The following EPB41L1 variants were observed in gnomAD, a reference collection of about 807,000 sequenced individuals.
The protein encoded by EPB41L1 is erythrocyte membrane protein band 4.1 like 1.
In EPB41L1, 29 loss-of-function variants were observed where a neutral mutation model predicts 97.8. The ratio of observed to expected loss-of-function variants is 0.30; its 90% CI spans 0.22 to 0.40. The LOEUF is 0.40. EPB41L1 is among the 10% of genes least tolerant of loss of function. The probability of loss-of-function intolerance (pLI) is 1.00; values close to 1 mark genes in which losing one functional copy is unlikely to be tolerated. For synonymous variants in EPB41L1, 383 were observed against 459.2 expected, an observed-to-expected ratio of 0.83 and a Z score of 2.12; for missense variants, 812 against 1,162.3, an observed-to-expected ratio of 0.70 and a Z score of 4.38.
chr20:36,155,716 G>T, intron 1 of EPB41L1: 2 of 443,418 alleles, frequency 4.5e-6, no homozygotes, highest in South Asian at 3.2e-5. Flanking sequence ...TCAGCTGCCA[G>T]CCATCGTCGT....
At chr20:36,139,923 G>A (rs958307325) in intron 2 of EPB41L1, among the ~76,000 whole-genome samples, 4 of 151,994 alleles carry the variant, frequency 2.6e-5, no homozygotes, top group South Asian at 2.1e-4. Flanking sequence ...TAGAGATGGA[G>A]TTTCTCCATG....
intron 2 of EPB41L1, among the ~76,000 whole-genome samples, chr20:36,130,745 GT>G (rs2059163973): frequency 6.8e-6 from 1 of 146,642 alleles, no homozygotes; most frequent in African/African-American, 2.6e-5. Flanking sequence ...GGCAGGAACT[GT>G]TTTTTATTTT....
At chr20:36,220,522 A>T (rs772310865) in intron 19 of EPB41L1, among the ~76,000 whole-genome samples, 10 of 152,196 alleles carry the variant, frequency 6.6e-5, no homozygotes, top group Admixed American at 6.5e-4. Context: ...TCTGGGCCTC[A>T]GGGAGATTGG....
chr20:36,148,141 T>C (rs1395364212), intron 2 of EPB41L1, among the ~76,000 whole-genome samples: 1 of 152,150 alleles, frequency 6.6e-6, no homozygotes, highest in African/African-American at 2.4e-5. Context: ...TATGCACATA[T>C]TGTGAACTGG....
chr20:36,143,980 G>A (rs1389301420), intron 2 of EPB41L1, among the ~76,000 whole-genome samples: 1 of 152,020 alleles, frequency 6.6e-6, no homozygotes, highest in Non-Finnish European at 1.5e-5. Context: ...AGCCTCCCAA[G>A]TAGCTGGGAC....
At position 36,190,585 on chromosome 20, in the gene EPB41L1, C is replaced by G. The variant is rs776778400; in HGVS notation, c.1125-37C>G. 11 of 1,613,008 alleles carry G rather than the reference C, an allele frequency of 6.8e-6. No individual in the cohort carries two copies. The highest frequency in any genetic ancestry group is 9.3e-6 in the Non-Finnish European group (11 of 1,179,648). ...TAACCTTGGGCCTGGCAGTGCAGGT[C>G]TGATTCCTCCTCCTCCCCTGCATCC... On this transcript the variant is annotated intron_variant, in intron 10 of 21. Coordinates refer to ENST00000338074, the MANE Select transcript of EPB41L1 (RefSeq NM_012156.2). The surrounding 1 kb of genome is among the most constrained non-coding windows in gnomAD (Gnocchi z 5.8).
intron 11 of EPB41L1, among the ~76,000 whole-genome samples, chr20:36,192,693 G>T (rs2062018390): frequency 6.6e-6 from 1 of 152,138 alleles, no homozygotes; most frequent in Admixed American, 6.5e-5. Flanking sequence ...CCTGGGTATA[G>T]TATTTAGAGT....
At position 36,207,046 on chromosome 20, in the gene EPB41L1, G is replaced by A. The variant is rs957253680; in HGVS notation, c.1669-2442G>A. 8.5e-6 allele frequency: 11 copies of A among 1,289,838 alleles called. No homozygotes were observed. Among genetic ancestry groups the A allele is most frequent in the Middle Eastern group, 2.1e-4 (1 of 4,696 alleles). 79.9% of individuals were successfully genotyped at this position (1,289,838 alleles called of 1,614,324 possible). On this transcript the variant is annotated intron_variant, in intron 14 of 21. Transcript: ENST00000338074. The surrounding 1 kb of genome is among the most constrained non-coding windows in gnomAD (Gnocchi z 4.9). ...AGGAGGGGCTGAGCTGAAGGACCGCGAGGCTTCAGCATTTCTTCACATGGA... is the reference window on the plus strand; with the variant it reads ...AGGAGGGGCTGAGCTGAAGGACCGCAAGGCTTCAGCATTTCTTCACATGGA...
rs148961505 is a variant in EPB41L1 at position 36,175,665 on chromosome 20, A to G, written c.292A>G (p.Ile98Val). 3.7e-6 allele frequency: 6 copies of G among 1,614,120 alleles called. No homozygotes were observed. The highest frequency in any genetic ancestry group is 1.6e-4 in the Middle Eastern group (1 of 6,062). ...GATTGCCAAGAAATACAAGAGTGCC[A>G]TCTGCCGGGTCACTCTGCTTGATGC... ...QKIAKKYKSA[I>V]CRVTLLDASE... The change falls in exon 3 of 22, where the codon ATC becomes GTC. Residue 98 changes from isoleucine to valine, a missense_variant. Physicochemically the swap from Ile to Val is conservative, Grantham distance 29. Transcript: ENST00000338074.
At chr20:36,202,645 A>T (rs1387524746) in intron 14 of EPB41L1, among the ~76,000 whole-genome samples, 1 of 150,990 alleles carries the variant, frequency 6.6e-6, no homozygotes, top group Non-Finnish European at 1.5e-5. Context: ...AATACAAATA[A>T]TAATAATAAT....
intron 21 of EPB41L1, among the ~76,000 whole-genome samples, chr20:36,226,341 T>A (rs529599504): frequency 3.9e-5 from 6 of 152,324 alleles, no homozygotes; most frequent in Non-Finnish European, 8.8e-5. Context: ...ATCATCACAG[T>A]AATAACAATC....
intron 1 of EPB41L1, among the ~76,000 whole-genome samples, chr20:36,105,446 ACTT>A (rs980852964): frequency 1.1e-4 from 16 of 152,062 alleles, no homozygotes; most frequent in African/African-American, 3.4e-4. Context: ...GCTTCCTTTC[ACTT>A]CTTCTCCATC....
chr20:36,116,864 G>C (rs1007512726), intron 2 of EPB41L1, among the ~76,000 whole-genome samples: 3 of 152,216 alleles, frequency 2.0e-5, no homozygotes, highest in African/African-American at 2.4e-5. Context: ...ATTGGGGGAA[G>C]AGTATGATGT....
At chr20:36,128,576 G>T (rs549973543) in intron 2 of EPB41L1, among the ~76,000 whole-genome samples, 1 of 152,310 alleles carries the variant, frequency 6.6e-6, no homozygotes, top group East Asian at 1.9e-4. Context: ...AGCCTTAATT[G>T]GTACTGGCCC....
chr20:36,201,620 G>T (rs1188112302), intron 14 of EPB41L1, among the ~76,000 whole-genome samples: 2 of 152,316 alleles, frequency 1.3e-5, no homozygotes, highest in Middle Eastern at 3.4e-3. Flanking sequence ...TCTCTAAGGA[G>T]TATCCTTAGG....
At chr20:36,145,483 A>G (rs1461906418) in intron 2 of EPB41L1, among the ~76,000 whole-genome samples, 1 of 151,998 alleles carries the variant, frequency 6.6e-6, no homozygotes, top group Non-Finnish European at 1.5e-5. Flanking sequence ...TGATAGGAAG[A>G]GATGAACAGA....
intron 5 of EPB41L1, 133 bp from the exon 6 acceptor site, chr20:36,182,139 T>C (rs2061495612): frequency 1.3e-6 from 1 of 799,108 alleles, no homozygotes; most frequent in Non-Finnish European, 2.2e-6. Context: ...GGAATAATGT[T>C]CCAGCCTTCC....
chr20:36,178,595 G>T (rs373764456), intron 4 of EPB41L1, 35 bp from the exon 5 acceptor site: 1 of 1,609,928 alleles, frequency 6.2e-7, no homozygotes, highest in Non-Finnish European at 8.5e-7. Context: ...CCTTTCCTGC[G>T]TCTTCCCTCT....
intron 4 of EPB41L1, 123 bp downstream of exon 4, chr20:36,178,179 G>A (rs2061328583): frequency 1.3e-6 from 1 of 776,438 alleles, no homozygotes; most frequent in African/African-American, 1.7e-5. Context: ...GTGTCCCCAA[G>A]GCTCAACCAG....
Sources: gnomAD v4.1 joint callset for allele counts (sites outside exome capture counted in the v4.1 genomes callset) on GRCh38, gnomAD v4.1.1 for gene constraint, Gnocchi (gnomAD v3.1) non-coding constraint, MANE v1.5 for transcripts, NCBI Gene and HGNC (gene_info 2026-07-23, HGNC 2026-07-21) for gene names.